Variants in AGPAT4 observed in about 807,000 individuals in gnomAD.
AGPAT4 encodes 1-acylglycerol-3-phosphate O-acyltransferase 4.
AGPAT4 carries 15 observed loss-of-function variants against 48.0 expected under a neutral mutation model. The ratio of observed to expected loss-of-function variants is 0.31; its 90% CI spans 0.21 to 0.48. AGPAT4 has a LOEUF of 0.48. Ranked by LOEUF, AGPAT4 falls within the 20% of genes least tolerant of loss-of-function variation. AGPAT4 has a pLI of 0.99. For missense variants in AGPAT4, 314 were observed against 482.5 expected, an observed-to-expected ratio of 0.65 and a Z score of 3.27; for synonymous variants, 178 against 198.7, an observed-to-expected ratio of 0.90 and a Z score of 0.88.
rs1425505971 is a variant in AGPAT4 at position 161,164,875 on chromosome 6, T to TA, written c.348+1372dup. 6.6e-6 allele frequency among the ~76,000 whole-genome samples: 1 copy of TA among 152,108 alleles called. No individual in the cohort carries two copies. Among genetic ancestry groups the TA allele is most frequent in the Non-Finnish European group, 1.5e-5 (1 of 68,014 alleles). ...AGCATGAACACTACCAGAAAGTACT[T>TA]ACAAAGCCTGGAAAATCACCAGCTG... is the stretch of plus-strand genomic sequence containing the variant. On this transcript the variant is annotated intron_variant, in intron 3 of 8. Coordinates refer to ENST00000320285, the MANE Select transcript of AGPAT4 (RefSeq NM_020133.3). The surrounding 1 kb of genome is among the most constrained non-coding windows in gnomAD (Gnocchi z 7.4).
intron 5 of AGPAT4, among the ~76,000 whole-genome samples, chr6:161,151,201 C>T (rs1438821323): frequency 1.3e-5 from 2 of 152,212 alleles, no homozygotes; most frequent in Admixed American, 1.3e-4. Context: ...TCACACTGCG[C>T]CAGCTCCTTA....
rs1392441685 is a variant in AGPAT4, at chr6:161,169,300, G to A, written c.179-2883C>T. 6.6e-6 allele frequency among the ~76,000 whole-genome samples: 1 copy of A among 152,188 alleles called. No individual in the cohort carries two copies. The highest frequency in any genetic ancestry group is 1.5e-5 in the Non-Finnish European group (1 of 68,026). The stretch of plus-strand genomic sequence containing the variant: ...CTCTGATTGAAACAAGAACAGACTG[G>A]AATAGGGAGGCCAGTTAGCGGGTGA... On this transcript the variant is annotated intron_variant, in intron 2 of 8. Coordinates refer to ENST00000320285, the MANE Select transcript of AGPAT4 (RefSeq NM_020133.3). This position sits in a 1 kb window ranked among gnomAD's most constrained non-coding sequence, Gnocchi z 5.0.
Position 161,197,513 on chromosome 6 carries a change from GCT to G in AGPAT4, c.179-31098_179-31097del, listed in dbSNP as rs148257674. The stretch of plus-strand genomic sequence containing the variant: ...CAAATGCTCCCAATGCACCCAACAG[GCT>G]CTCTCTCCTCCTGCCTCAGCCCTCT... On this transcript the variant is annotated intron_variant, in intron 2 of 8. Coordinates refer to ENST00000320285, the MANE Select transcript of AGPAT4 (RefSeq NM_020133.3). The surrounding 1 kb of genome is among the most constrained non-coding windows in gnomAD (Gnocchi z 5.7). 0.01 allele frequency among the ~76,000 whole-genome samples: 1,528 copies of G among 152,176 alleles called. 24 individuals carry two copies. Among genetic ancestry groups the G allele is most frequent in the African/African-American group, 0.035 (1,472 of 41,506 alleles).
chr6:161,251,354 C>G lies in AGPAT4; in HGVS notation c.-89-19052G>C, dbSNP rs1884479. Among the ~76,000 whole-genome samples, 26,106 of 152,164 alleles carry G rather than the reference C, an allele frequency of 0.17. 3,557 individuals carry two copies. Among genetic ancestry groups the G allele is most frequent in the African/African-American group, 0.37 (15,295 of 41,492 alleles). The stretch of plus-strand genomic sequence containing the variant: ...CCTACATCGAATACCAATAAACAGA[C>G]ATGAATTGAACTGTAGGGGTCAATT... On this transcript the variant is annotated intron_variant, in intron 1 of 8. Transcript: ENST00000320285. The surrounding 1 kb of genome is among the most constrained non-coding windows in gnomAD (Gnocchi z 4.6).
Position 161,225,800 on chromosome 6 carries a change from C to T in AGPAT4, c.178+6236G>A, listed in dbSNP as rs997861150. Among the ~76,000 whole-genome samples, 1 of 152,186 alleles carries T rather than the reference C, an allele frequency of 6.6e-6. No individual in the cohort carries two copies. The highest frequency in any genetic ancestry group is 1.5e-5 in the Non-Finnish European group (1 of 68,028). ...AAAAGGTTGTCCCAACAGATAAACT[C>T]GTGGGCCGCTTGCTCAGTCCAGGAG... On this transcript the variant is annotated intron_variant, in intron 2 of 8. Transcript: ENST00000320285. This position sits in a 1 kb window ranked among gnomAD's most constrained non-coding sequence, Gnocchi z 5.0.
intron 2 of AGPAT4, among the ~76,000 whole-genome samples, chr6:161,213,813 C>A (rs1781577096): frequency 6.6e-6 from 1 of 152,082 alleles, no homozygotes; most frequent in Non-Finnish European, 1.5e-5. Context: ...AACTTAGATC[C>A]TACCTGTCTA....
chr6:161,165,723 A>G lies in AGPAT4; in HGVS notation c.348+525T>C, dbSNP rs1036513927. ...CGTGCAAGAGGTCAAACTAGTTGGG[A>G]AAAAAAAAAAACAGAATTTCAGAAT... On this transcript the variant is annotated intron_variant, in intron 3 of 8. Transcript: ENST00000320285. This position sits in a 1 kb window ranked among gnomAD's most constrained non-coding sequence, Gnocchi z 5.5. 18 of 593,102 alleles carry G rather than the reference A, an allele frequency of 3.0e-5. No homozygotes were observed. Among genetic ancestry groups the G allele is most frequent in the East Asian group, 1.5e-4 (2 of 13,424 alleles). 36.7% of individuals were successfully genotyped at this position (593,102 alleles called of 1,614,324 possible).
rs1779307160 is a variant in AGPAT4, at chr6:161,143,108, T to C, written c.843+3416A>G. Reference sequence around the variant, plus strand: ...TCTCTTTAGAGACAGGGTCTTGCTCTGCTGCCCAGGCTGGAGTGCAGTGGT... The same window carrying C: ...TCTCTTTAGAGACAGGGTCTTGCTCCGCTGCCCAGGCTGGAGTGCAGTGGT... On this transcript the variant is annotated intron_variant, in intron 7 of 8. Transcript: ENST00000320285. This position sits in a 1 kb window ranked among gnomAD's most constrained non-coding sequence, Gnocchi z 4.7. Among the ~76,000 whole-genome samples the C allele has an allele frequency of 1.3e-5, 2 of 152,334 alleles. No individual in the cohort carries two copies. Among genetic ancestry groups the C allele is most frequent in the Non-Finnish European group, 2.9e-5 (2 of 68,040 alleles).
Position 161,246,199 on chromosome 6 carries a change from T to C in AGPAT4, c.-89-13897A>G, listed in dbSNP as rs917759517. ...TCAGAGCAAAAGATGCTTGGAGAAG[T>C]GATGAGGTTCTTTCCAACTTTTAAG... On this transcript the variant is annotated intron_variant, in intron 1 of 8. Coordinates refer to ENST00000320285, the MANE Select transcript of AGPAT4 (RefSeq NM_020133.3). The surrounding 1 kb of genome is among the most constrained non-coding windows in gnomAD (Gnocchi z 5.5). 3.9e-5 allele frequency among the ~76,000 whole-genome samples: 6 copies of C among 152,180 alleles called. No homozygotes were observed. The highest frequency in any genetic ancestry group is 1.4e-4 in the African/African-American group (6 of 41,458).
chr6:161,139,252 C>T lies in AGPAT4; in HGVS notation c.1042+170G>A, dbSNP rs1201088665. Reference sequence around the variant, plus strand: ...CGGAGGGGGTCCCAGGCCTGGTATTCGAGGGCCTCGCACTCATCCTGAAGT... The same window carrying T: ...CGGAGGGGGTCCCAGGCCTGGTATTTGAGGGCCTCGCACTCATCCTGAAGT... On this transcript the variant is annotated intron_variant, in intron 8 of 8. Transcript: ENST00000320285. The surrounding 1 kb of genome is among the most constrained non-coding windows in gnomAD (Gnocchi z 9.1). Among the ~76,000 whole-genome samples, 1 of 152,172 alleles carries T rather than the reference C, an allele frequency of 6.6e-6. No individual in the cohort carries two copies. The highest frequency in any genetic ancestry group is 2.4e-5 in the African/African-American group (1 of 41,440).
intron 2 of AGPAT4, among the ~76,000 whole-genome samples, chr6:161,193,867 T>C (rs905528657): frequency 6.6e-6 from 1 of 152,244 alleles, no homozygotes; most frequent in Non-Finnish European, 1.5e-5. Context: ...TTTAAAAATA[T>C]ATTTTATCCA....
In AGPAT4 at chr6:161,154,959, C is replaced by T. The variant is rs1398833440; in HGVS notation, c.349-649G>A. On this transcript the variant is annotated intron_variant, in intron 3 of 8. Coordinates refer to ENST00000320285, the MANE Select transcript of AGPAT4 (RefSeq NM_020133.3). The surrounding 1 kb of genome is among the most constrained non-coding windows in gnomAD (Gnocchi z 7.8). ...AGGCTGCGGAGCCCAGTGGGATCTCCGGGTACAGCTGGTCCAAGCTGGGAG... is the reference window on the plus strand; with the variant it reads ...AGGCTGCGGAGCCCAGTGGGATCTCTGGGTACAGCTGGTCCAAGCTGGGAG... 2.6e-5 allele frequency among the ~76,000 whole-genome samples: 4 copies of T among 152,214 alleles called. No individual in the cohort carries two copies. The highest frequency in any genetic ancestry group is 4.4e-5 in the Non-Finnish European group (3 of 68,042).
In AGPAT4 at chr6:161,133,311, A is replaced by G. The variant is rs1778962097; in HGVS notation, c.*3229T>C. The G allele has an allele frequency of 6.6e-6, 1 of 152,258 alleles. No individual in the cohort carries two copies. Among genetic ancestry groups the G allele is most frequent in the African/African-American group, 2.4e-5 (1 of 41,470 alleles). The allele number at this position is 152,258 out of a possible 1,614,324, so 9.4% of individuals were successfully genotyped here. ...TCACTGTCCCACATATGGATATATT[A>G]GAAAAACCCTAATGTTTTAAAATTT... On this transcript the variant is annotated 3_prime_UTR_variant, in exon 9 of 9. Transcript: ENST00000320285.
rs1159150376 is a variant in AGPAT4 at position 161,262,346 on chromosome 6, A to T, written c.-90+11592T>A. ...CTGCTGCCAGGACCTGAAAAGCGTGATGGAGCTGCAGCCATGGTGGCCAGC... is the reference window on the plus strand; with the variant it reads ...CTGCTGCCAGGACCTGAAAAGCGTGTTGGAGCTGCAGCCATGGTGGCCAGC... On this transcript the variant is annotated intron_variant, in intron 1 of 8. Coordinates refer to ENST00000320285, the MANE Select transcript of AGPAT4 (RefSeq NM_020133.3). This position sits in a 1 kb window ranked among gnomAD's most constrained non-coding sequence, Gnocchi z 4.9. 6.6e-6 allele frequency among the ~76,000 whole-genome samples: 1 copy of T among 152,182 alleles called. No individual in the cohort carries two copies. Among genetic ancestry groups the T allele is most frequent in the East Asian group, 1.9e-4 (1 of 5,168 alleles).
chr6:161,170,500 CACACACAT>C (rs1483700747), intron 2 of AGPAT4, among the ~76,000 whole-genome samples: 16 of 148,532 alleles, frequency 1.1e-4, no homozygotes, highest in African/African-American at 3.7e-4. Flanking sequence ...CACACACACA[CACACACAT>C]ACACATATAC....
intron 1 of AGPAT4, among the ~76,000 whole-genome samples, chr6:161,250,197 G>A (rs751051862): frequency 1.2e-4 from 18 of 152,258 alleles, no homozygotes; most frequent in East Asian, 7.7e-4. Flanking sequence ...ATCAGATGGC[G>A]GAGGGTGGGA....
At chr6:161,152,576 C>T (rs900726903) in intron 5 of AGPAT4, among the ~76,000 whole-genome samples, 1 of 152,044 alleles carries the variant, frequency 6.6e-6, no homozygotes, top group Non-Finnish European at 1.5e-5. Context: ...GGGAGGAGTT[C>T]GGGGCCCCCT....
At position 161,219,824 on chromosome 6, in the gene AGPAT4, G is replaced by T. The variant is rs111622662; in HGVS notation, c.178+12212C>A. On this transcript the variant is annotated intron_variant, in intron 2 of 8. Transcript: ENST00000320285. This position sits in a 1 kb window ranked among gnomAD's most constrained non-coding sequence, Gnocchi z 4.9. ...AGATTCACAGTAAAAAAGATAGACA[G>T]AGATAGATAGATAGATAGATAGATA... Among the ~76,000 whole-genome samples, 6,587 of 88,678 alleles carry T rather than the reference G, an allele frequency of 0.074. 601 individuals are homozygous for T. The highest frequency in any genetic ancestry group is 0.11 in the Middle Eastern group (19 of 168). 58.2% of individuals were successfully genotyped at this position (88,678 alleles called of 152,430 possible). A position where few individuals can be genotyped will look rare whatever the true frequency, so the allele number is the denominator to read the frequency against.
At position 161,225,730 on chromosome 6, in the gene AGPAT4, A is replaced by C. The variant is rs2115031174; in HGVS notation, c.178+6306T>G. Reference sequence around the variant, plus strand: ...TGTTTCAGCTGTGCAGCGTGGACACACTTCAGAAGTAAAAGGTACCCGCAG... The same window carrying C: ...TGTTTCAGCTGTGCAGCGTGGACACCCTTCAGAAGTAAAAGGTACCCGCAG... On this transcript the variant is annotated intron_variant, in intron 2 of 8. Coordinates refer to ENST00000320285, the MANE Select transcript of AGPAT4 (RefSeq NM_020133.3). This position sits in a 1 kb window ranked among gnomAD's most constrained non-coding sequence, Gnocchi z 5.0. Among the ~76,000 whole-genome samples the C allele has an allele frequency of 6.6e-6, 1 of 152,306 alleles. No homozygotes were observed. The highest frequency in any genetic ancestry group is 3.4e-3 in the Middle Eastern group (1 of 294).
Sources: allele counts gnomAD v4.1 joint callset (sites outside exome capture counted in the v4.1 genomes callset), GRCh38; gene constraint gnomAD v4.1.1; non-coding constraint Gnocchi (gnomAD v3.1); transcripts MANE v1.5; gene names NCBI Gene and HGNC (gene_info 2026-07-23, HGNC 2026-07-21).